DCP2: variants seen among roughly 807,000 people sequenced by gnomAD.
The protein encoded by DCP2 is m7GpppN-mRNA hydrolase.
DCP2 carries 30 observed loss-of-function variants against 56.1 expected under a neutral mutation model. The observed-to-expected ratio is 0.53, with a 90% confidence interval of 0.40 to 0.73. The LOEUF (loss-of-function observed/expected upper bound fraction) is 0.73. Ranked by LOEUF, DCP2 falls within the 30% of genes least tolerant of loss-of-function variation. The pLI, the probability that DCP2 is intolerant of heterozygous loss-of-function variation, is 0.00. For missense variants in DCP2, 533 were observed against 502.7 expected (o/e 1.06, Z -0.58); for synonymous variants, 197 against 163.3 (o/e 1.21, Z -1.57).
intron 2 of DCP2, among the ~76,000 whole-genome samples, chr5:112,987,809 C>CT (rs1748372233): frequency 6.6e-6 from 1 of 150,954 alleles, no homozygotes; most frequent in Non-Finnish European, 1.5e-5. Context: ...TTTTTCTCTC[C>CT]TTTTTTGAGA....
intron 1 of DCP2, among the ~76,000 whole-genome samples, chr5:112,978,917 CTT>C (rs1029284364): frequency 3.3e-5 from 5 of 152,120 alleles, no homozygotes; most frequent in Admixed American, 2.6e-4. Context: ...ATGTGGTAAT[CTT>C]AAACATTTTA....
chr5:113,009,177 GTTAATTGTCCTCAAA>G (rs1261712784), intron 9 of DCP2, among the ~76,000 whole-genome samples: 1 of 152,162 alleles, frequency 6.6e-6, no homozygotes, highest in Non-Finnish European at 1.5e-5. Context: ...TTGTGCAAGT[GTTAATTGTCCTCAAA>G]TTAATGTGTA....
At chr5:113,013,255 A>G (rs1749751931) in intron 10 of DCP2, 66 bp from the exon 11 acceptor site, 23 of 1,506,836 alleles carry the variant, frequency 1.5e-5, no homozygotes, top group Non-Finnish European at 2.0e-5. Flanking sequence ...AACAAAAGGC[A>G]AAGGGCAGTA....
chr5:112,982,185 C>T (rs1748038335), intron 1 of DCP2, among the ~76,000 whole-genome samples: 1 of 133,820 alleles, frequency 7.5e-6, no homozygotes, highest in Non-Finnish European at 1.5e-5. Context: ...ATGTACTCCT[C>T]TCTAATATGT....
chr5:113,009,632 C>T (rs962016715), intron 9 of DCP2, among the ~76,000 whole-genome samples: 6 of 149,896 alleles, frequency 4.0e-5, no homozygotes, highest in African/African-American at 1.5e-4. Context: ...ATGATGAAAA[C>T]GTGGAAAACA....
chr5:112,982,791 G>C (rs533294724), intron 1 of DCP2, among the ~76,000 whole-genome samples: 1 of 152,084 alleles, frequency 6.6e-6, no homozygotes, highest in Non-Finnish European at 1.5e-5. Flanking sequence ...TTTTCTTCTG[G>C]TTCCTCAATT....
At chr5:112,986,596 C>T (rs1748301766) in intron 2 of DCP2, among the ~76,000 whole-genome samples, 1 of 152,090 alleles carries the variant, frequency 6.6e-6, no homozygotes, top group East Asian at 1.9e-4. Context: ...CCTTGGCCTC[C>T]TAAAGTGCTG....
At chr5:112,979,698 G>C (rs1295984871) in intron 1 of DCP2, among the ~76,000 whole-genome samples, 1 of 152,142 alleles carries the variant, frequency 6.6e-6, no homozygotes, top group Non-Finnish European at 1.5e-5. Context: ...CCTTTAGACT[G>C]CTCATAACCT....
intron 7 of DCP2, among the ~76,000 whole-genome samples, chr5:113,002,182 G>C (rs1749211671): frequency 6.6e-6 from 1 of 152,122 alleles, no homozygotes; most frequent in Non-Finnish European, 1.5e-5. Context: ...CAGCACTTTG[G>C]GAGGCCAAGG....
rs540190205 is a variant in DCP2 at position 112,999,888 on chromosome 5, C to A, written c.433-1196C>A. Among the ~76,000 whole-genome samples the A allele has an allele frequency of 1.1e-3, 168 of 151,526 alleles. 1 individual carries two copies. The highest frequency in any genetic ancestry group is 3.4e-3 in the Middle Eastern group (1 of 294). On this transcript the variant is annotated intron_variant, in intron 4 of 10. Coordinates refer to ENST00000389063, the MANE Select transcript of DCP2 (RefSeq NM_152624.6). ...CCAGCCTGGCCAACATGGTGAAACC[C>A]TGTCTCTACTAAAAATACAAAAATT...
intron 9 of DCP2, among the ~76,000 whole-genome samples, chr5:113,009,559 A>C (rs1580834607): frequency 6.6e-6 from 1 of 152,356 alleles, no homozygotes; most frequent in East Asian, 1.9e-4. Context: ...TGCTATATCA[A>C]AACCCTACAA....
intron 4 of DCP2, among the ~76,000 whole-genome samples, chr5:112,995,134 A>G (rs1168430212): frequency 6.6e-6 from 1 of 152,200 alleles, no homozygotes; most frequent in African/African-American, 2.4e-5. Context: ...AAAATGCTGT[A>G]TTTTAAATTT....
chr5:112,993,997 A>G (rs1007838899), intron 4 of DCP2, among the ~76,000 whole-genome samples: 11 of 151,776 alleles, frequency 7.2e-5, no homozygotes, highest in South Asian at 6.2e-4. Context: ...GGCAAAGTCT[A>G]TGTTGCCCAG....
At chr5:112,994,164 T>G (rs974794360) in intron 4 of DCP2, among the ~76,000 whole-genome samples, 7 of 96,446 alleles carry the variant, frequency 7.3e-5, no homozygotes, top group African/African-American at 2.9e-4. Flanking sequence ...TTTTTCTTTC[T>G]TTTTTTTTTT....
chr5:113,003,167 T>TTG (rs11471511), intron 7 of DCP2, among the ~76,000 whole-genome samples: 1 of 151,494 alleles, frequency 6.6e-6, no homozygotes, highest in Admixed American at 6.6e-5. Context: ...AAAAGCTGAC[T>TTG]AATTCCTGAC....
intron 7 of DCP2, 110 bp from the exon 8 acceptor site, chr5:113,003,832 G>C: frequency 8.0e-7 from 1 of 1,244,596 alleles, no homozygotes; most frequent in Non-Finnish European, 1.1e-6. Context: ...CAGTGGGGAA[G>C]ATAGACAGTA....
At chr5:112,991,354 G>A (rs1279986613) in intron 2 of DCP2, among the ~76,000 whole-genome samples, 3 of 152,168 alleles carry the variant, frequency 2.0e-5, no homozygotes, top group African/African-American at 4.8e-5. Flanking sequence ...GCATTCGATA[G>A]CATGGAGTGT....
In DCP2 at chr5:113,001,337, T is replaced by C. The variant is rs772270550; in HGVS notation, c.586-20T>C. 1 of 1,598,798 alleles carries C rather than the reference T, an allele frequency of 6.3e-7. No homozygotes were observed. The highest frequency in any genetic ancestry group is 8.5e-7 in the Non-Finnish European group (1 of 1,173,942). On this transcript the variant is annotated intron_variant, in intron 5 of 10. Transcript: ENST00000389063. Reference sequence around the variant, plus strand: ...CTTGATAAAAATTAACTAAATGAATTATTTTCTTCTGTGTTTCAGAACATT... The same window carrying C: ...CTTGATAAAAATTAACTAAATGAATCATTTTCTTCTGTGTTTCAGAACATT...
rs776986019 is a variant in DCP2, at chr5:112,976,871, CCG to C, written c.-62_-61del. On this transcript the variant is annotated 5_prime_UTR_variant, in exon 1 of 11. Coordinates refer to ENST00000389063, the MANE Select transcript of DCP2 (RefSeq NM_152624.6). ...TCTCCGGCGAGCCGGAGTCCTAGTG[CCG>C]TACCGTCAGTCCCCGGCCGCGCGGA... 2 of 1,556,574 alleles carry C rather than the reference CCG, an allele frequency of 1.3e-6. No individual in the cohort carries two copies. Among genetic ancestry groups the C allele is most frequent in the Admixed American group, 3.3e-5 (2 of 59,960 alleles).
Sources: allele counts gnomAD v4.1 joint callset (sites outside exome capture counted in the v4.1 genomes callset), GRCh38; gene constraint gnomAD v4.1.1; transcripts MANE v1.5; gene names NCBI Gene and HGNC (gene_info 2026-07-23, HGNC 2026-07-21).